The following ERCC3 variants were observed in gnomAD, a reference collection of about 807,000 sequenced individuals.
ERCC3 encodes general transcription and DNA repair factor IIH helicase/translocase subunit XPB.
A neutral mutation model predicts 94.2 loss-of-function variants in ERCC3; 66 were observed. The ratio of observed to expected loss-of-function variants is 0.70; its 90% CI spans 0.57 to 0.86. ERCC3 has a LOEUF of 0.86. Among genes scored for constraint, ERCC3 ranks in the 40% least tolerant of loss-of-function variants. ERCC3 has a pLI of 0.00. For synonymous variants in ERCC3, 349 were observed against 369.1 expected, an observed-to-expected ratio of 0.95 and a Z score of 0.63; for missense variants, 829 against 987.1, an observed-to-expected ratio of 0.84 and a Z score of 2.15.
At chr2:127,290,166 C>T in intron 4 of ERCC3, 58 bp downstream of exon 4, 1 of 1,336,358 alleles carries the variant, frequency 7.5e-7, no homozygotes, top group African/African-American at 1.4e-5. Context: ...CCCTTTATTC[C>T]TGCTGGTGCG....
intron 12 of ERCC3, among the ~76,000 whole-genome samples, chr2:127,263,527 A>G (rs1684257589): frequency 6.6e-6 from 1 of 152,100 alleles, no homozygotes; most frequent in Non-Finnish European, 1.5e-5. Flanking sequence ...CTTTTGGTGG[A>G]GTCTTTAGGG....
intron 10 of ERCC3, among the ~76,000 whole-genome samples, chr2:127,276,903 A>G (rs1472206992): frequency 1.3e-5 from 2 of 152,202 alleles, no homozygotes; most frequent in Non-Finnish European, 2.9e-5. Flanking sequence ...CAGACTGCCA[A>G]ACTGCTGCAC....
intron 10 of ERCC3, among the ~76,000 whole-genome samples, chr2:127,278,281 G>A (rs918350923): frequency 1.3e-5 from 2 of 151,026 alleles, no homozygotes; most frequent in African/African-American, 2.4e-5. Flanking sequence ...GAAATATGAA[G>A]GTAAACAACA....
chr2:127,269,706 C>A (rs112404103), intron 12 of ERCC3, among the ~76,000 whole-genome samples: 6,458 of 149,594 alleles, frequency 0.043, 163 homozygotes, highest in Middle Eastern at 0.071. Flanking sequence ...CAGGCGTGAG[C>A]CACCGCGCCT....
chr2:127,261,088 A>T, intron 13 of ERCC3, 140 bp downstream of exon 13: 1 of 716,836 alleles, frequency 1.4e-6, no homozygotes, highest in Non-Finnish European at 2.6e-6. Flanking sequence ...TCATGCAGAG[A>T]TAAAGGGAGT....
intron 8 of ERCC3, 117 bp downstream of exon 8, chr2:127,286,586 G>T: frequency 1.1e-6 from 1 of 946,584 alleles, no homozygotes. Context: ...TACCCAGCAA[G>T]CCAGCAAGTC....
In ERCC3 at chr2:127,292,736, C is replaced by T. The variant is rs767213626; in HGVS notation, c.345G>A (p.Glu115=). 5.0e-6 allele frequency: 8 copies of T among 1,614,058 alleles called. No homozygotes were observed. Among genetic ancestry groups the T allele is most frequent in the Non-Finnish European group, 6.8e-6 (8 of 1,180,010 alleles). ...EPVCRPTHVH[E]YKLTAYSLYA... Reference sequence around the variant, plus strand: ...ACAAGGAGTAGGCAGTTAGTTTGTACTCATGCACATGGGTTGGTCGGCACA... The same window carrying T: ...ACAAGGAGTAGGCAGTTAGTTTGTATTCATGCACATGGGTTGGTCGGCACA... Residue 115 remains glutamate, a synonymous_variant, in exon 3 of 15, where the codon GAG becomes GAA. Transcript: ENST00000285398.
chr2:127,281,493 T>C (rs1037690926), intron 8 of ERCC3, among the ~76,000 whole-genome samples: 8 of 152,214 alleles, frequency 5.3e-5, no homozygotes, highest in African/African-American at 1.9e-4. Context: ...ACCTAATTTA[T>C]GGATTTCCAC....
chr2:127,286,408 C>T (rs1685066880), intron 8 of ERCC3, among the ~76,000 whole-genome samples: 1 of 152,074 alleles, frequency 6.6e-6, no homozygotes, highest in South Asian at 2.1e-4. Context: ...ATTAGCCTAG[C>T]ATGGTGGCAG....
chr2:127,290,528 A>G (rs1351703840), intron 3 of ERCC3: 1 of 549,064 alleles, frequency 1.8e-6, no homozygotes, highest in Admixed American at 3.0e-5. Context: ...GCTGCTTAAA[A>G]TCTTGCATTC....
intron 3 of ERCC3, chr2:127,290,570 C>G (rs763626214): frequency 2.0e-4 from 93 of 465,902 alleles, no homozygotes; most frequent in Non-Finnish European, 3.3e-4. Flanking sequence ...CAGCCCCCAC[C>G]CTAGTCTAGA....
At chr2:127,289,637 T>C in intron 5 of ERCC3, 52 bp downstream of exon 5, 1 of 1,612,732 alleles carries the variant, frequency 6.2e-7, no homozygotes, top group Non-Finnish European at 8.5e-7. Context: ...CTGAGAGAAC[T>C]GAAATCCTAA....
chr2:127,266,710 T>A (rs1684381492), intron 12 of ERCC3, among the ~76,000 whole-genome samples: 1 of 83,464 alleles, frequency 1.2e-5, no homozygotes, highest in African/African-American at 6.1e-5. Context: ...TGATCAATTA[T>A]TTTTTTTTTT....
At chr2:127,289,912 T>C in intron 4 of ERCC3, 88 bp from the exon 5 acceptor site, 5 of 1,465,160 alleles carry the variant, frequency 3.4e-6, no homozygotes, top group East Asian at 2.3e-5. Flanking sequence ...GGTCTGGAAA[T>C]ACAAGCCTCA....
chr2:127,272,365 C>G (rs1684586848), intron 11 of ERCC3, among the ~76,000 whole-genome samples: 1 of 152,052 alleles, frequency 6.6e-6, no homozygotes, highest in African/African-American at 2.4e-5. Context: ...CTGTCTTAAT[C>G]TGAATGACTA....
At position 127,293,829 on chromosome 2, in the gene ERCC3, T is replaced by C. The variant is rs764240830; in HGVS notation, c.29-111A>G. 2.9e-5 allele frequency: 46 copies of C among 1,590,516 alleles called. No individual in the cohort carries two copies. In the Admixed American group the frequency reaches 5.7e-4, roughly 20 times the overall value. ...CGCAAACTCCTAGCTAAGAGCCACC[T>C]GCATCCCGCAGGCGTTGCGCCCCTC... On this transcript the variant is annotated intron_variant, in intron 1 of 14. Coordinates refer to ENST00000285398, the MANE Select transcript of ERCC3 (RefSeq NM_000122.2).
rs778160350 is a variant in ERCC3 at position 127,286,776 on chromosome 2, G to A, written c.1269C>T (p.Ala423=). 12 of 1,613,986 alleles carry A rather than the reference G, an allele frequency of 7.4e-6. No homozygotes were observed. The highest frequency in any genetic ancestry group is 2.7e-5 in the African/African-American group (2 of 74,890). ...TCTTGAGCCACTCCATGACTCGCTC[G>A]GCCTCCCAGGACCTTTTGGTGGTGT... ...LGHTTKRSWE[A]ERVMEWLKTQ... The change falls in exon 8 of 15, where the codon GCC becomes GCT. Residue 423 remains alanine, a synonymous_variant. Coordinates refer to ENST00000285398, the MANE Select transcript of ERCC3 (RefSeq NM_000122.2).
In ERCC3 at chr2:127,264,638, G is replaced by A. The variant is rs1028623702; in HGVS notation, c.1946-3292C>T. Among the ~76,000 whole-genome samples the A allele has an allele frequency of 3.9e-5, 6 of 152,120 alleles. No homozygotes were observed. The highest frequency in any genetic ancestry group is 6.5e-5 in the Admixed American group (1 of 15,276). On this transcript the variant is annotated intron_variant, in intron 12 of 14. Transcript: ENST00000285398. This position sits in a 1 kb window ranked among gnomAD's most constrained non-coding sequence, Gnocchi z 4.4. ...AACTTTTTGATATGCTGCTGGATTTGCTTTGTCCTCATTTTGTTACAGATT... is the reference window on the plus strand; with the variant it reads ...AACTTTTTGATATGCTGCTGGATTTACTTTGTCCTCATTTTGTTACAGATT...
chr2:127,278,761 C>T (rs992923838), intron 10 of ERCC3, among the ~76,000 whole-genome samples: 5 of 152,216 alleles, frequency 3.3e-5, no homozygotes, highest in African/African-American at 1.2e-4. Flanking sequence ...GATGCCAGTC[C>T]GTACTTGGGA....
Sources: allele counts gnomAD v4.1 joint callset (sites outside exome capture counted in the v4.1 genomes callset), GRCh38; gene constraint gnomAD v4.1.1; non-coding constraint Gnocchi (gnomAD v3.1); transcripts MANE v1.5; gene names NCBI Gene and HGNC (gene_info 2026-07-23, HGNC 2026-07-21).